PASD1: variants seen among roughly 807,000 people sequenced by gnomAD.
PASD1 encodes the protein circadian clock protein PASD1.
PASD1 carries 13 observed loss-of-function variants against 58.8 expected under a neutral mutation model. That is an observed-to-expected ratio of 0.22 (90% CI 0.14 to 0.35). The LOEUF is 0.35. Among genes scored for constraint, PASD1 ranks in the 10% least tolerant of loss-of-function variants. PASD1 has a pLI of 1.00. For missense variants in PASD1, 734 were observed against 568.3 expected (o/e 1.29, Z -2.96); for synonymous variants, 236 against 216.7 (o/e 1.09, Z -0.78).
chrX:151,636,406 C>CT (rs1431675228), intron 8 of PASD1, among the ~76,000 whole-genome samples: 3 of 111,073 alleles, frequency 2.7e-5, no homozygotes, highest in Admixed American at 9.6e-5. Flanking sequence ...TTCTTTCTTT[C>CT]TTTTTTTTAA....
At chrX:151,658,117 A>G (rs1234546012) in intron 9 of PASD1, among the ~76,000 whole-genome samples, 1 of 111,029 alleles carries the variant, frequency 9.0e-6, no homozygotes, top group African/African-American at 3.3e-5. Context: ...TTTGAAGCCT[A>G]CTCTATATCC....
chrX:151,615,125 A>G (rs1336340657), intron 4 of PASD1, among the ~76,000 whole-genome samples: 1 of 112,008 alleles, frequency 8.9e-6, no homozygotes, highest in African/African-American at 3.2e-5. Context: ...TTCTTGTGGC[A>G]TCAGATATTG....
chrX:151,671,907 T>TA, intron 13 of PASD1, 128 bp downstream of exon 13: 1 of 796,828 alleles, frequency 1.3e-6, no homozygotes, highest in Non-Finnish European at 1.8e-6. Context: ...CCCAAGATAG[T>TA]AAAAAATCCT....
In PASD1 at chrX:151,648,449, A is replaced by G. The variant is rs188992889; in HGVS notation, c.630-166A>G. ...ATGATTTTTTTTTTTGTAGATGTGT[A>G]GAACAACTCTGTGGGAAAAATGATA... is the stretch of plus-strand genomic sequence containing the variant. On this transcript the variant is annotated intron_variant, in intron 8 of 15. Transcript: ENST00000370357. Among the ~76,000 whole-genome samples the G allele has an allele frequency of 2.7e-5, 3 of 111,099 alleles. No homozygotes were observed. The East Asian group carries it at 8.4e-4, about 31-fold the overall frequency.
intron 4 of PASD1, among the ~76,000 whole-genome samples, chrX:151,617,334 A>G (rs754409117): frequency 9.0e-6 from 1 of 111,401 alleles, no homozygotes; most frequent in African/African-American, 3.3e-5. Flanking sequence ...TATAAGGCTT[A>G]TTGTCACTAT....
At chrX:151,621,213 T>TA (rs1216247673) in intron 5 of PASD1, among the ~76,000 whole-genome samples, 184 bp downstream of exon 5, 1 of 111,136 alleles carries the variant, frequency 9.0e-6, no homozygotes, top group Non-Finnish European at 1.9e-5. Context: ...CATTAAATCT[T>TA]ATTCCTCACC....
chrX:151,624,377 G>T (rs979529960), intron 7 of PASD1, among the ~76,000 whole-genome samples: 1 of 111,201 alleles, frequency 9.0e-6, no homozygotes, highest in Non-Finnish European at 1.9e-5. Context: ...CACTGTTCGG[G>T]CCATGTTAAT....
intron 15 of PASD1, among the ~76,000 whole-genome samples, chrX:151,674,508 C>CT (rs1165243193): frequency 8.9e-6 from 1 of 112,892 alleles, no homozygotes; most frequent in African/African-American, 3.2e-5. Flanking sequence ...CCCAAGCCTC[C>CT]TTTCAGACTT....
chrX:151,597,680 C>G (rs2013338592), intron 1 of PASD1, among the ~76,000 whole-genome samples: 1 of 110,930 alleles, frequency 9.0e-6, no homozygotes, highest in Non-Finnish European at 1.9e-5. Context: ...CTTCTCCTTT[C>G]TTTAGCTTTA....
In PASD1 at chrX:151,578,365, A is replaced by G. The variant is rs2013041310; in HGVS notation, c.-28+14526A>G. ...ACCTGTATGATACCATTTTATATAT[A>G]TGATCAATGGTATTTGGCTCAGCTA... is the stretch of plus-strand genomic sequence containing the variant. On this transcript the variant is annotated intron_variant, in intron 1 of 15. Transcript: ENST00000370357. 2.7e-5 allele frequency: 3 copies of G among 112,444 alleles called. No individual in the cohort carries two copies. The South Asian group carries it at 1.1e-3, about 42-fold the overall frequency. The allele number at this position is 112,444 out of a possible 1,213,427, so 9.3% of individuals were successfully genotyped here. A position where few individuals can be genotyped will look rare whatever the true frequency, so the allele number is the denominator to read the frequency against.
intron 4 of PASD1, among the ~76,000 whole-genome samples, chrX:151,615,756 T>G (rs2013629825): frequency 8.9e-6 from 1 of 112,394 alleles, no homozygotes; most frequent in African/African-American, 3.2e-5. Flanking sequence ...AAGAACTTGG[T>G]CTTCGGAATC....
At chrX:151,650,212 C>T (rs2014113289) in intron 9 of PASD1, among the ~76,000 whole-genome samples, 1 of 111,554 alleles carries the variant, frequency 9.0e-6, no homozygotes. Flanking sequence ...AGGCTTGCTT[C>T]ATCAGCCCGT....
At chrX:151,664,775 T>C (rs749605924) in intron 11 of PASD1, among the ~76,000 whole-genome samples, 1 of 112,070 alleles carries the variant, frequency 8.9e-6, no homozygotes, top group East Asian at 2.8e-4. Context: ...CACCACAAGC[T>C]AGGTTTTCCC....
intron 1 of PASD1, among the ~76,000 whole-genome samples, chrX:151,569,243 T>C (rs756213116): frequency 2.7e-5 from 3 of 111,838 alleles, no homozygotes; most frequent in African/African-American, 9.7e-5. Context: ...TTCACTCTCC[T>C]CCTTGGGCTG....
At chrX:151,638,796 C>T (rs1347261654) in intron 8 of PASD1, among the ~76,000 whole-genome samples, 3 of 110,480 alleles carry the variant, frequency 2.7e-5, no homozygotes, top group Non-Finnish European at 5.7e-5. Context: ...TTTTTTTTCC[C>T]AAAAGTTTTA....
intron 1 of PASD1, among the ~76,000 whole-genome samples, chrX:151,579,698 TG>T (rs200616916): frequency 0.011 from 1,254 of 111,884 alleles, 17 homozygotes; most frequent in African/African-American, 0.039. Context: ...AAAGTGAAGA[TG>T]GGAGGTGTGG....
At chrX:151,581,152 T>C (rs1240127997) in intron 1 of PASD1, among the ~76,000 whole-genome samples, 2 of 93,935 alleles carry the variant, frequency 2.1e-5, no homozygotes, top group Non-Finnish European at 4.0e-5. Flanking sequence ...TGCTTGAACC[T>C]GGGAGGCGGA....
chrX:151,594,658 C>T (rs1011951533), intron 1 of PASD1, among the ~76,000 whole-genome samples: 2 of 112,109 alleles, frequency 1.8e-5, no homozygotes, highest in Non-Finnish European at 3.8e-5. Context: ...TTTGCTTTTA[C>T]ATCAATTATC....
intron 11 of PASD1, among the ~76,000 whole-genome samples, chrX:151,667,415 G>A (rs1181673688): frequency 6.3e-5 from 7 of 111,491 alleles, no homozygotes; most frequent in Admixed American, 9.5e-5. Flanking sequence ...TTTGGCTTTT[G>A]TTGCCATTGC....
Sources: allele counts gnomAD v4.1 joint callset (sites outside exome capture counted in the v4.1 genomes callset), GRCh38; gene constraint gnomAD v4.1.1; transcripts MANE v1.5; gene names NCBI Gene and HGNC (gene_info 2026-07-23, HGNC 2026-07-21).